The following SGK1 variants were observed in gnomAD, a reference collection of about 807,000 sequenced individuals.
The protein encoded by SGK1 is serine/threonine-protein kinase Sgk1.
In SGK1, 26 loss-of-function variants were observed where a neutral mutation model predicts 64.2. The ratio of observed to expected loss-of-function variants is 0.40; its 90% CI spans 0.30 to 0.56. SGK1 has a LOEUF of 0.56. Ranked by LOEUF, SGK1 falls within the 20% of genes least tolerant of loss-of-function variation. The pLI, the probability that SGK1 is intolerant of heterozygous loss-of-function variation, is 0.38. For synonymous variants in SGK1, 265 were observed against 239.7 expected (o/e 1.11, Z -0.98); for missense variants, 519 against 645.6 (o/e 0.80, Z 2.12).
intron 3 of SGK1, chr6:134,175,026 C>T: frequency 1.1e-6 from 1 of 878,918 alleles, no homozygotes; most frequent in Non-Finnish European, 1.6e-6. Flanking sequence ...CGGTTCTGTC[C>T]CCATTGAGAG....
At chr6:134,209,143 ATATTCTCAGGC>A (rs1775843255) in intron 2 of SGK1, among the ~76,000 whole-genome samples, 1 of 152,094 alleles carries the variant, frequency 6.6e-6, no homozygotes, top group Non-Finnish European at 1.5e-5. Flanking sequence ...GCTTTCAAAT[ATATTCTCAGGC>A]CAGGCGTGGT....
intron 2 of SGK1, chr6:134,215,014 A>T (rs959711745): frequency 4.4e-6 from 2 of 449,832 alleles, no homozygotes; most frequent in African/African-American, 4.0e-5. Context: ...ATAGGTTACA[A>T]TTTAAACATC....
chr6:134,251,888 G>A (rs923761995), intron 2 of SGK1, among the ~76,000 whole-genome samples: 3 of 152,126 alleles, frequency 2.0e-5, no homozygotes, highest in African/African-American at 7.2e-5. Context: ...CCGAGTAGCT[G>A]GGACTACAGG....
chr6:134,229,279 A>G (rs887790275), intron 2 of SGK1, among the ~76,000 whole-genome samples: 1 of 152,240 alleles, frequency 6.6e-6, no homozygotes, highest in African/African-American at 2.4e-5. Context: ...CCTTCCCGTT[A>G]AACTTAACAA....
intron 1 of SGK1, among the ~76,000 whole-genome samples, chr6:134,284,588 G>T (rs984416906): frequency 6.7e-6 from 1 of 149,600 alleles, no homozygotes; most frequent in Admixed American, 6.7e-5. Flanking sequence ...AGGTTCAAGC[G>T]ATTCTCCTGC....
At chr6:134,302,070 A>G (rs1399101996) in intron 1 of SGK1, among the ~76,000 whole-genome samples, 3 of 152,234 alleles carry the variant, frequency 2.0e-5, no homozygotes, top group African/African-American at 7.2e-5. Flanking sequence ...GATTCTAAAG[A>G]TCATTCAGAG....
chr6:134,240,888 A>T (rs1483612744), intron 2 of SGK1, among the ~76,000 whole-genome samples: 1 of 152,152 alleles, frequency 6.6e-6, no homozygotes, highest in Non-Finnish European at 1.5e-5. Flanking sequence ...AGTTCTTGAA[A>T]GTCAAGTTAG....
At chr6:134,210,256 G>A (rs189919901) in intron 2 of SGK1, among the ~76,000 whole-genome samples, 15 of 152,306 alleles carry the variant, frequency 9.8e-5, no homozygotes, top group Admixed American at 3.3e-4. Context: ...ATGTGACAAC[G>A]TGGATGAAAC....
chr6:134,202,533 T>C (rs143660187), intron 3 of SGK1, among the ~76,000 whole-genome samples: 7,633 of 151,866 alleles, frequency 0.05, 633 homozygotes, highest in African/African-American at 0.17. Context: ...CCCAGCTACT[T>C]GGGAGGCTGA....
intron 3 of SGK1, among the ~76,000 whole-genome samples, chr6:134,178,793 G>A (rs1041173564): frequency 3.3e-5 from 5 of 152,052 alleles, no homozygotes; most frequent in African/African-American, 1.2e-4. Context: ...CGGCTTGATA[G>A]GAGATAGGCT....
intron 2 of SGK1, among the ~76,000 whole-genome samples, chr6:134,212,139 C>G (rs1220048346): frequency 1.3e-5 from 2 of 151,682 alleles, no homozygotes; most frequent in Non-Finnish European, 2.9e-5. Context: ...CTGCGAGCTC[C>G]GCCTCCCGGG....
At chr6:134,297,957 A>G (rs1228416673) in intron 1 of SGK1, 7 of 808,770 alleles carry the variant, frequency 8.7e-6, no homozygotes, top group Non-Finnish European at 1.5e-5. Flanking sequence ...GATGCCGTCC[A>G]TGTCCGGGGA....
At chr6:134,205,797 A>T (rs1397615322) in intron 3 of SGK1, among the ~76,000 whole-genome samples, 1 of 152,240 alleles carries the variant, frequency 6.6e-6, no homozygotes, top group African/African-American at 2.4e-5. Context: ...AGCGTGAGGC[A>T]TAATACAAAT....
intron 3 of SGK1, among the ~76,000 whole-genome samples, chr6:134,187,063 G>A (rs767604819): frequency 3.4e-4 from 51 of 152,130 alleles, no homozygotes; most frequent in Non-Finnish European, 5.7e-4. Flanking sequence ...TGATCTGCTC[G>A]CCTCGGCCTC....
At chr6:134,202,202 A>G (rs1775697563) in intron 3 of SGK1, among the ~76,000 whole-genome samples, 2 of 152,224 alleles carry the variant, frequency 1.3e-5, no homozygotes, top group African/African-American at 2.4e-5. Context: ...ATATCTTTAA[A>G]GTTATGAAAG....
Position 134,262,019 on chromosome 6 carries a change from T to C in SGK1, c.199A>G (p.Thr67Ala). ...TGGAAAGCATGTTCACCCAGGCATG[T>C]TTGACACAAGGAAGACTCGAAGTCT... ...EPDFESSLCQ[T>A]CLGEHAFQRG... The change falls in exon 2 of 14, where the codon ACA becomes GCA. Residue 67 changes from threonine to alanine, a missense_variant. This residue lies in a region of SGK1 where 241 missense variants were observed against 236.9 expected (regional missense o/e 1.02). Coordinates refer to ENST00000367858, the MANE Select transcript of SGK1 (RefSeq NM_001143676.3). 1.2e-6 allele frequency: 2 copies of C among 1,613,936 alleles called. No homozygotes were observed. The highest frequency in any genetic ancestry group is 2.2e-5 in the East Asian group (1 of 44,878).
chr6:134,298,903 T>G (rs556284602), intron 1 of SGK1, among the ~76,000 whole-genome samples: 21 of 151,952 alleles, frequency 1.4e-4, no homozygotes, highest in African/African-American at 3.1e-4. Context: ...TTGGTTCATG[T>G]GATTCTCCTG....
intron 1 of SGK1, among the ~76,000 whole-genome samples, chr6:134,312,291 C>T (rs1238023874): frequency 6.6e-6 from 1 of 152,148 alleles, no homozygotes; most frequent in Middle Eastern, 3.2e-3. Flanking sequence ...TCTGAGAAGA[C>T]ATCGAAAGTT....
chr6:134,276,781 G>A (rs150085174), intron 1 of SGK1, among the ~76,000 whole-genome samples: 23 of 152,314 alleles, frequency 1.5e-4, no homozygotes, highest in African/African-American at 5.5e-4. Context: ...GCTGTGCATG[G>A]TGGCTCACAC....
Sources: allele counts gnomAD v4.1 joint callset (sites outside exome capture counted in the v4.1 genomes callset), GRCh38; gene constraint gnomAD v4.1.1; regional missense constraint gnomAD v4.1.1; transcripts MANE v1.5; gene names NCBI Gene and HGNC (gene_info 2026-07-23, HGNC 2026-07-21).